SPIN1: variants seen among roughly 807,000 people sequenced by gnomAD.
SPIN1 encodes spindlin 1, also known as spindlin-1.
Under a neutral mutation model 26.0 loss-of-function variants are expected in SPIN1, and 3 were observed. The observed-to-expected ratio is 0.12, with a 90% CI of 0.05 to 0.30. SPIN1 has a LOEUF of 0.30. Among genes scored for constraint, SPIN1 ranks in the 10% least tolerant of loss-of-function variants. SPIN1 has a pLI of 1.00. For synonymous variants in SPIN1, 101 were observed against 116.5 expected (o/e 0.87, Z 0.86); for missense variants, 126 against 333.4 (o/e 0.38, Z 4.84).
chr9:88,432,319 A>G (rs1425690158), intron 2 of SPIN1, among the ~76,000 whole-genome samples: 1 of 151,516 alleles, frequency 6.6e-6, no homozygotes, highest in African/African-American at 2.4e-5. Context: ...CCTCCCAAGT[A>G]GTGGAATTAC....
intron 1 of SPIN1, chr9:88,411,298 C>T (rs1827437533): frequency 3.0e-6 from 4 of 1,331,054 alleles, no homozygotes; most frequent in Non-Finnish European, 4.3e-6. Flanking sequence ...ACTCAAAGCC[C>T]CTGGAGCACT....
intron 2 of SPIN1, among the ~76,000 whole-genome samples, chr9:88,446,416 T>TTG (rs1009617015): frequency 2.6e-5 from 4 of 151,624 alleles, no homozygotes; most frequent in Admixed American, 2.6e-4. Context: ...CTGTTTTTTT[T>TTG]TTTTTTTTTG....
At chr9:88,433,123 A>G (rs996157039) in intron 2 of SPIN1, among the ~76,000 whole-genome samples, 12 of 150,930 alleles carry the variant, frequency 8.0e-5, no homozygotes, top group Admixed American at 7.3e-4. Context: ...CGTGTCACCC[A>G]GTCTGGAGCA....
intron 1 of SPIN1, among the ~76,000 whole-genome samples, chr9:88,400,844 C>CAA (rs754813928): frequency 2.5e-4 from 25 of 99,722 alleles, no homozygotes; most frequent in African/African-American, 4.2e-4. Context: ...GACTCCGCCT[C>CAA]AAAAAAAAAA....
intron 5 of SPIN1, among the ~76,000 whole-genome samples, chr9:88,469,045 T>G (rs1011167711): frequency 6.6e-6 from 1 of 152,206 alleles, no homozygotes; most frequent in Non-Finnish European, 1.5e-5. Flanking sequence ...ATACTTGAAC[T>G]TCAGAGCAGC....
chr9:88,419,309 C>CG (rs376851996), intron 1 of SPIN1, among the ~76,000 whole-genome samples: 9 of 152,186 alleles, frequency 5.9e-5, no homozygotes, highest in African/African-American at 2.2e-4. Context: ...CCACTCACCC[C>CG]GTCACTCTCT....
chr9:88,467,725 G>C (rs950775569), intron 4 of SPIN1, among the ~76,000 whole-genome samples: 2 of 152,088 alleles, frequency 1.3e-5, no homozygotes, highest in East Asian at 3.9e-4. Flanking sequence ...TGTGGTATCA[G>C]TGACACAACG....
At chr9:88,441,713 A>G (rs1326799653) in intron 2 of SPIN1, among the ~76,000 whole-genome samples, 2 of 151,340 alleles carry the variant, frequency 1.3e-5, no homozygotes, top group African/African-American at 2.4e-5. Flanking sequence ...CCATAATCGC[A>G]CCACCGCAGT....
chr9:88,430,222 A>C (rs1275209522), intron 2 of SPIN1, among the ~76,000 whole-genome samples: 4 of 152,230 alleles, frequency 2.6e-5, no homozygotes, highest in African/African-American at 9.6e-5. Context: ...GGCAGGTGTC[A>C]TCTCAAAGGC....
chr9:88,470,393 G>C (rs1051985785), intron 5 of SPIN1, among the ~76,000 whole-genome samples: 1 of 152,080 alleles, frequency 6.6e-6, no homozygotes, highest in African/African-American at 2.4e-5. Flanking sequence ...GAACTGCCAG[G>C]CTAATTTTAA....
chr9:88,462,182 ACTCAGAAAG>A (rs1374012834), intron 3 of SPIN1, among the ~76,000 whole-genome samples: 1 of 152,220 alleles, frequency 6.6e-6, no homozygotes, highest in Non-Finnish European at 1.5e-5. Context: ...ATTAAAATAA[ACTCAGAAAG>A]CTGATAACCT....
intron 2 of SPIN1, 121 bp from the exon 3 acceptor site, chr9:88,448,820 T>C (rs1261655890): frequency 2.7e-6 from 2 of 738,390 alleles, no homozygotes; most frequent in Non-Finnish European, 2.2e-6. Flanking sequence ...ACATGTTTGC[T>C]GGTAGTGGTG....
chr9:88,449,067 G>T, intron 3 of SPIN1, 78 bp downstream of exon 3: 1 of 1,422,500 alleles, frequency 7.0e-7, no homozygotes, highest in Non-Finnish European at 9.9e-7. Flanking sequence ...CCTAGGTAAG[G>T]CCTCCTCCCC....
In SPIN1 at chr9:88,445,518, T is replaced by TTTATTATTATTATTATTA. The variant is rs138265190; in HGVS notation, c.53-3394_53-3377dup. ...AGATTTTCTTAAATGTATTGAGACT[T>TTTATTATTATTATTATTA]TTATTATTATTATTATTATTATTAT... is the stretch of plus-strand genomic sequence containing the variant. On this transcript the variant is annotated intron_variant, in intron 2 of 5. Transcript: ENST00000375859. Among the ~76,000 whole-genome samples the TTTATTATTATTATTATTA allele has an allele frequency of 3.0e-5, 4 of 134,610 alleles. No individual in the cohort carries two copies. In the Admixed American group the frequency reaches 3.1e-4, roughly 10 times the overall value. The allele number at this position is 134,610 out of a possible 152,430, so 88.3% of individuals were successfully genotyped here.
At chr9:88,403,781 A>G (rs983982415) in intron 1 of SPIN1, among the ~76,000 whole-genome samples, 1 of 152,194 alleles carries the variant, frequency 6.6e-6, no homozygotes, top group Non-Finnish European at 1.5e-5. Context: ...TATTAGAGGT[A>G]AAGTTTATTT....
chr9:88,465,089 T>A (rs1309389343), intron 4 of SPIN1, among the ~76,000 whole-genome samples: 1 of 152,218 alleles, frequency 6.6e-6, no homozygotes, highest in Non-Finnish European at 1.5e-5. Flanking sequence ...AGGATTTCCT[T>A]TAAGGCTGAA....
chr9:88,405,760 G>A (rs1827288528), intron 1 of SPIN1, among the ~76,000 whole-genome samples: 1 of 151,898 alleles, frequency 6.6e-6, no homozygotes, highest in Admixed American at 6.6e-5. Context: ...GCAGTGCAGT[G>A]GGTTTGTTTA....
chr9:88,465,179 C>T (rs1388565732), intron 4 of SPIN1, among the ~76,000 whole-genome samples: 1 of 152,162 alleles, frequency 6.6e-6, no homozygotes, highest in African/African-American at 2.4e-5. Flanking sequence ...GCTTCTACCT[C>T]TTGGTAGAAT....
intron 5 of SPIN1, among the ~76,000 whole-genome samples, chr9:88,473,559 C>T (rs1370048572): frequency 1.3e-5 from 2 of 151,756 alleles, no homozygotes; most frequent in Non-Finnish European, 3.0e-5. Context: ...TTAACCTAAT[C>T]ATAGGAAATG....
Sources: gnomAD v4.1 joint callset for allele counts (sites outside exome capture counted in the v4.1 genomes callset) on GRCh38, gnomAD v4.1.1 for gene constraint, MANE v1.5 for transcripts, NCBI Gene and HGNC (gene_info 2026-07-23, HGNC 2026-07-21) for gene names.